The following NELL2 variants were observed in gnomAD, a reference collection of about 807,000 sequenced individuals.
NELL2 encodes the protein neural EGFL like 2.
Under a neutral mutation model 109.6 loss-of-function variants are expected in NELL2, and 41 were observed. That is an observed-to-expected ratio of 0.37 (90% CI 0.29 to 0.49). The LOEUF (loss-of-function observed/expected upper bound fraction) is 0.49, where lower values mean the gene tolerates loss of function less well. Among genes scored for constraint, NELL2 ranks in the 20% least tolerant of loss-of-function variants. The probability of loss-of-function intolerance (pLI) is 0.98; values close to 1 mark genes in which losing one functional copy is unlikely to be tolerated. For missense variants in NELL2, 900 were observed against 1,008.3 expected (o/e 0.89, Z 1.45); for synonymous variants, 355 against 344.7 (o/e 1.03, Z -0.33).
At chr12:44,895,960 T>C (rs1261790673) in intron 1 of NELL2, among the ~76,000 whole-genome samples, 1 of 152,204 alleles carries the variant, frequency 6.6e-6, no homozygotes, top group Non-Finnish European at 1.5e-5. Flanking sequence ...TATTTTGCTA[T>C]GCTCGGTTTT....
chr12:44,673,636 A>G (rs1948216007), intron 12 of NELL2, among the ~76,000 whole-genome samples: 2 of 152,218 alleles, frequency 1.3e-5, no homozygotes, highest in Non-Finnish European at 1.5e-5. Flanking sequence ...TTCGCATCCC[A>G]TCCAAAATTT....
At chr12:44,859,585 C>T (rs181114683) in intron 2 of NELL2, among the ~76,000 whole-genome samples, 1 of 152,016 alleles carries the variant, frequency 6.6e-6, no homozygotes, top group Non-Finnish European at 1.5e-5. Context: ...CACCATAAAG[C>T]CTTGTTGTCT....
chr12:44,917,806 G>C (rs529636563), upstream of NELL2, among the ~76,000 whole-genome samples: 1 of 152,290 alleles, frequency 6.6e-6, no homozygotes, highest in African/African-American at 2.4e-5. Flanking sequence ...TCATGTTACA[G>C]AAGCTCATGT....
At chr12:44,608,166 C>G (rs1203038887) in intron 14 of NELL2, among the ~76,000 whole-genome samples, 1 of 152,020 alleles carries the variant, frequency 6.6e-6, no homozygotes, top group Non-Finnish European at 1.5e-5. Context: ...CTGACAAAGT[C>G]TATAATGAGT....
At chr12:44,834,068 C>G (rs1943971375) in intron 2 of NELL2, among the ~76,000 whole-genome samples, 1 of 152,104 alleles carries the variant, frequency 6.6e-6, no homozygotes, top group African/African-American at 2.4e-5. Context: ...ACCTCAATAC[C>G]ACACTTAGAT....
chr12:44,864,712 A>T (rs2136817151), intron 2 of NELL2, among the ~76,000 whole-genome samples: 1 of 152,338 alleles, frequency 6.6e-6, no homozygotes, highest in South Asian at 2.1e-4. Flanking sequence ...ACTTTACATC[A>T]AATGGACCTA....
intron 15 of NELL2, among the ~76,000 whole-genome samples, chr12:44,578,547 C>T (rs1250179405): frequency 6.6e-6 from 1 of 151,944 alleles, no homozygotes; most frequent in Non-Finnish European, 1.5e-5. Flanking sequence ...AGTCTTCCTT[C>T]TAGGCCTTGC....
chr12:44,883,089 T>C (rs1945434394), intron 1 of NELL2, among the ~76,000 whole-genome samples: 1 of 151,162 alleles, frequency 6.6e-6, no homozygotes, highest in East Asian at 2.0e-4. Flanking sequence ...TCTCAAGTGA[T>C]CAACCTGCCT....
chr12:44,638,633 G>T (rs938626082), intron 13 of NELL2, among the ~76,000 whole-genome samples: 4 of 152,144 alleles, frequency 2.6e-5, no homozygotes, highest in Non-Finnish European at 5.9e-5. Context: ...CATATTTTGA[G>T]TTGTAGAGGA....
rs201689169 is a variant in NELL2, at chr12:44,791,065, G to GTATATATATATA, written c.336-11055_336-11044dup. Among the ~76,000 whole-genome samples the GTATATATATATA allele has an allele frequency of 2.5e-4, 11 of 43,228 alleles. No individual in the cohort carries two copies. In the East Asian group the frequency reaches 5.4e-3, roughly 21 times the overall value. 28.4% of individuals were successfully genotyped at this position (43,228 alleles called of 152,430 possible). On this transcript the variant is annotated intron_variant, in intron 3 of 19. Coordinates refer to ENST00000429094, the MANE Select transcript of NELL2 (RefSeq NM_001145108.2). ...GATAGACACCAAGAAGAAAGTTCAA[G>GTATATATATATA]TATATATATATATATACATATATAT... is the stretch of plus-strand genomic sequence containing the variant.
At chr12:44,631,969 T>C (rs1276497786) in intron 13 of NELL2, among the ~76,000 whole-genome samples, 6 of 152,144 alleles carry the variant, frequency 3.9e-5, no homozygotes, top group South Asian at 2.1e-4. Flanking sequence ...AAAAGGATCA[T>C]ACATCCTATC....
At chr12:44,699,161 G>A (rs547438132) in intron 12 of NELL2, among the ~76,000 whole-genome samples, 1 of 152,244 alleles carries the variant, frequency 6.6e-6, no homozygotes, top group Non-Finnish European at 1.5e-5. Context: ...TATCTTATAT[G>A]TAGTGACAAA....
rs183702892 is a variant in NELL2, at chr12:44,830,044, T to A, written c.185-13908A>T. On this transcript the variant is annotated intron_variant, in intron 2 of 19. Coordinates refer to ENST00000429094, the MANE Select transcript of NELL2 (RefSeq NM_001145108.2). Reference sequence around the variant, plus strand: ...TGTTACTGTTTTGACATGGCTCTAGTAAAATGATTAGCATAAAAAGAAGAA... The same window carrying A: ...TGTTACTGTTTTGACATGGCTCTAGAAAAATGATTAGCATAAAAAGAAGAA... 1.7e-3 allele frequency among the ~76,000 whole-genome samples: 256 copies of A among 152,344 alleles called. 2 individuals are homozygous for A. Among genetic ancestry groups the A allele is most frequent in the Non-Finnish European group, 1.9e-3 (130 of 68,032 alleles).
intron 13 of NELL2, among the ~76,000 whole-genome samples, chr12:44,633,642 G>A (rs963600308): frequency 3.3e-5 from 5 of 152,108 alleles, no homozygotes; most frequent in Admixed American, 3.3e-4. Context: ...AGTGCAGTGA[G>A]AAATTAAAGA....
Position 44,777,329 on chromosome 12 carries a change from T to G in NELL2, c.607-15A>C, listed in dbSNP as rs747261774. On this transcript the variant is annotated splice_polypyrimidine_tract_variant and intron_variant, in intron 5 of 19. Transcript: ENST00000429094. ...TGCATTATACCCTGTGTGTGAAAAA[T>G]AGAAAAAAAAGACATATTACTTTCA... The G allele has an allele frequency of 1.0e-5, 16 of 1,604,592 alleles. No homozygotes were observed. The highest frequency in any genetic ancestry group is 1.4e-5 in the Non-Finnish European group (16 of 1,174,172).
intron 9 of NELL2, among the ~76,000 whole-genome samples, chr12:44,748,211 A>C (rs1940484037): frequency 6.6e-6 from 1 of 152,148 alleles, no homozygotes; most frequent in African/African-American, 2.4e-5. Context: ...TAAGAATATA[A>C]ATAACATTAG....
chr12:44,709,985 G>T (rs760396230), intron 11 of NELL2, among the ~76,000 whole-genome samples: 2 of 152,192 alleles, frequency 1.3e-5, no homozygotes, highest in Non-Finnish European at 2.9e-5. Flanking sequence ...GTTCTTTTTA[G>T]AAGTGTTCTT....
intron 9 of NELL2, among the ~76,000 whole-genome samples, chr12:44,760,406 T>C (rs1941072458): frequency 6.6e-6 from 1 of 152,142 alleles, no homozygotes; most frequent in Non-Finnish European, 1.5e-5. Flanking sequence ...TATCATGATA[T>C]ACAAAAGCCA....
At chr12:44,600,236 C>G (rs868219871) in intron 15 of NELL2, among the ~76,000 whole-genome samples, 1 of 150,230 alleles carries the variant, frequency 6.7e-6, no homozygotes, top group African/African-American at 2.5e-5. Flanking sequence ...GTCTGGATCT[C>G]CGGACCTCGT....
Sources: allele counts gnomAD v4.1 joint callset (sites outside exome capture counted in the v4.1 genomes callset), GRCh38; gene constraint gnomAD v4.1.1; transcripts MANE v1.5; gene names NCBI Gene and HGNC (gene_info 2026-07-23, HGNC 2026-07-21).